Variants in CLCN3 observed in about 807,000 individuals in gnomAD.
The protein encoded by CLCN3 is H(+)/Cl(-) exchange transporter 3.
In CLCN3, 16 loss-of-function variants were observed where a neutral mutation model predicts 83.4. The ratio of observed to expected loss-of-function variants is 0.19; its 90% CI spans 0.13 to 0.29. The LOEUF is 0.29. Among genes scored for constraint, CLCN3 ranks in the 10% least tolerant of loss-of-function variants. The probability of loss-of-function intolerance (pLI) is 1.00; values close to 1 mark genes in which losing one functional copy is unlikely to be tolerated. For synonymous variants in CLCN3, 322 were observed against 346.2 expected, an observed-to-expected ratio of 0.93 and a Z score of 0.78; for missense variants, 544 against 1,006.0, an observed-to-expected ratio of 0.54 and a Z score of 6.21.
chr4:169,702,903 A>T (rs946853984), intron 9 of CLCN3: 1 of 201,262 alleles, frequency 5.0e-6, no homozygotes, highest in South Asian at 7.5e-5. Flanking sequence ...TCAGTTGTAC[A>T]CTTAGAGACC....
At chr4:169,717,684 A>G (rs1733476600) in intron 12 of CLCN3, 2 of 646,460 alleles carry the variant, frequency 3.1e-6, no homozygotes, top group Admixed American at 2.9e-5. Flanking sequence ...CATGAGACTC[A>G]TTCTTATGGT....
rs756419668 is a variant in CLCN3 at position 169,685,650 on chromosome 4, ACT to A, written c.319-2003_319-2002del. ...AGATTTTAGGAACGGTGATGATTGA[ACT>A]CTCTGTACATATATCTTTTTTACTT... On this transcript the variant is annotated intron_variant, in intron 3 of 12. Transcript: ENST00000513761. Among the ~76,000 whole-genome samples the A allele has an allele frequency of 6.6e-4, 100 of 151,946 alleles. 1 individual carries two copies. Among genetic ancestry groups the A allele is most frequent in the Middle Eastern group, 3.4e-3 (1 of 294 alleles).
intron 2 of CLCN3, among the ~76,000 whole-genome samples, chr4:169,656,724 T>G (rs1166010536): frequency 6.6e-6 from 1 of 152,206 alleles, no homozygotes; most frequent in Admixed American, 6.5e-5. Context: ...CTTGGTGCAG[T>G]GGACAGTGTT....
intron 2 of CLCN3, among the ~76,000 whole-genome samples, chr4:169,669,580 T>A (rs1731381124): frequency 1.3e-5 from 2 of 152,230 alleles, no homozygotes; most frequent in Non-Finnish European, 1.5e-5. Flanking sequence ...CATTTAATGA[T>A]GTGAAATAAT....
chr4:169,713,428 A>G (rs754770020), intron 12 of CLCN3, 133 bp downstream of exon 12: 34 of 641,370 alleles, frequency 5.3e-5, no homozygotes, highest in Non-Finnish European at 8.3e-5. Context: ...TATAGTCACA[A>G]ATATAGGATC....
intron 3 of CLCN3, among the ~76,000 whole-genome samples, chr4:169,681,297 C>G (rs1010602820): frequency 6.6e-6 from 1 of 152,222 alleles, no homozygotes; most frequent in Admixed American, 6.5e-5. Flanking sequence ...ATTGGCTGAC[C>G]TCAGCCTCCC....
At position 169,720,008 on chromosome 4, in the gene CLCN3, TGAGGA is replaced by T. The variant is rs779322585; in HGVS notation, c.*15_*19del. 2 of 1,613,318 alleles carry T rather than the reference TGAGGA, an allele frequency of 1.2e-6. No homozygotes were observed. The highest frequency in any genetic ancestry group is 1.7e-6 in the Non-Finnish European group (2 of 1,179,476). ...ATAATGTTCAACTGAATCTCACAGA[TGAGGA>T]GAGAGAAGAAACGGAAGAGGAAGTT... On this transcript the variant is annotated 3_prime_UTR_variant, in exon 13 of 13. Coordinates refer to ENST00000513761, the MANE Select transcript of CLCN3 (RefSeq NM_001829.4).
At chr4:169,642,996 A>T (rs1394039417) in intron 2 of CLCN3, 4 of 152,164 alleles carry the variant, frequency 2.6e-5, no homozygotes, top group African/African-American at 9.7e-5. Context: ...GAGTTTCAGG[A>T]GGTCATCAAT....
chr4:169,632,774 T>C (rs142359549), intron 1 of CLCN3, among the ~76,000 whole-genome samples: 2 of 132,518 alleles, frequency 1.5e-5, no homozygotes, highest in African/African-American at 5.7e-5. Flanking sequence ...TTGGGCTGCA[T>C]AGAACTTTTT....
chr4:169,715,371 A>T (rs1733386076), intron 12 of CLCN3, among the ~76,000 whole-genome samples: 1 of 152,088 alleles, frequency 6.6e-6, no homozygotes, highest in South Asian at 2.1e-4. Context: ...CTTTCATCAT[A>T]TTTTCCTTAT....
At chr4:169,707,309 T>C in intron 11 of CLCN3, 43 bp downstream of exon 11, 1 of 1,451,630 alleles carries the variant, frequency 6.9e-7, no homozygotes, top group Non-Finnish European at 9.3e-7. Context: ...GAGATGGATT[T>C]CTGGAAGAAA....
In CLCN3 at chr4:169,647,707, A is replaced by T. The variant is rs550658883; in HGVS notation, c.160+11619A>T. Among the ~76,000 whole-genome samples, 9 of 152,348 alleles carry T rather than the reference A, an allele frequency of 5.9e-5. No individual in the cohort carries two copies. The South Asian group carries it at 1.2e-3, about 21-fold the overall frequency. On this transcript the variant is annotated intron_variant, in intron 2 of 12. Coordinates refer to ENST00000513761, the MANE Select transcript of CLCN3 (RefSeq NM_001829.4). ...TAAAGGATATAAGTTGACATAAAGG[A>T]TTGAATAAATATGAGGCAAAAGAGA...
intron 2 of CLCN3, among the ~76,000 whole-genome samples, chr4:169,645,452 T>G (rs530707609): frequency 1.3e-5 from 2 of 152,346 alleles, no homozygotes. Flanking sequence ...TCTTTATACT[T>G]TCAGTATTTT....
intron 6 of CLCN3, among the ~76,000 whole-genome samples, chr4:169,690,856 C>G (rs1007131650): frequency 5.3e-5 from 8 of 152,024 alleles, no homozygotes; most frequent in African/African-American, 1.9e-4. Flanking sequence ...ACTGTGAAGG[C>G]TGATTTTTTT....
intron 2 of CLCN3, among the ~76,000 whole-genome samples, chr4:169,669,182 A>G (rs1270730233): frequency 1.3e-5 from 2 of 152,220 alleles, no homozygotes; most frequent in Admixed American, 1.3e-4. Flanking sequence ...GGTTATTAGT[A>G]TTGGATATCT....
At position 169,720,117 on chromosome 4, in the gene CLCN3, A is replaced by G. The variant is rs1251552964; in HGVS notation, c.*120A>G. ...CCTCCTTTACAAAAAAAGAAAGGAA[A>G]TATAAAAGCCGGGTTTTTGCAACAT... On this transcript the variant is annotated 3_prime_UTR_variant, in exon 13 of 13. Transcript: ENST00000513761. 6.7e-7 allele frequency: 1 copy of G among 1,500,840 alleles called. No homozygotes were observed. The highest frequency in any genetic ancestry group is 9.0e-7 in the Non-Finnish European group (1 of 1,110,848). The allele number at this position is 1,500,840 out of a possible 1,614,324, so 93.0% of individuals were successfully genotyped here.
chr4:169,717,886 TCTC>T (rs754318488), intron 12 of CLCN3: 2 of 1,549,144 alleles, frequency 1.3e-6, no homozygotes, highest in Admixed American at 3.3e-5. Flanking sequence ...ATATATCAGA[TCTC>T]CTCATTAGAC....
intron 2 of CLCN3, among the ~76,000 whole-genome samples, chr4:169,640,140 A>G (rs553355282): frequency 6.6e-6 from 1 of 152,300 alleles, no homozygotes; most frequent in South Asian, 2.1e-4. Context: ...GGACTCACTA[A>G]ATAGTAGCTG....
chr4:169,621,436 A>G (rs780313304), intron 1 of CLCN3, among the ~76,000 whole-genome samples: 22 of 152,166 alleles, frequency 1.4e-4, no homozygotes, highest in Non-Finnish European at 2.2e-4. Flanking sequence ...TTGTGTATAT[A>G]TATTTGTGGT....
Sources: gnomAD v4.1 joint callset for allele counts (sites outside exome capture counted in the v4.1 genomes callset) on GRCh38, gnomAD v4.1.1 for gene constraint, MANE v1.5 for transcripts, NCBI Gene and HGNC (gene_info 2026-07-23, HGNC 2026-07-21) for gene names.